Variants in DYRK1A observed in about 807,000 individuals in gnomAD.
DYRK1A encodes dual specificity tyrosine phosphorylation regulated kinase 1A.
A neutral mutation model predicts 79.7 loss-of-function variants in DYRK1A; 9 were observed. The observed-to-expected ratio is 0.11, with a 90% confidence interval of 0.07 to 0.20. The LOEUF (loss-of-function observed/expected upper bound fraction) is 0.20, where lower values mean the gene tolerates loss of function less well. Ranked by LOEUF, DYRK1A falls within the 10% of genes least tolerant of loss-of-function variation. The pLI is 1.00. For missense variants in DYRK1A, 622 were observed against 956.0 expected (o/e 0.65, Z 4.61); for synonymous variants, 349 against 329.7 (o/e 1.06, Z -0.63).
intron 2 of DYRK1A, among the ~76,000 whole-genome samples, chr21:37,436,893 A>T (rs1293107712): frequency 6.6e-6 from 1 of 152,236 alleles, no homozygotes; most frequent in East Asian, 1.9e-4. Context: ...ACTATATGAC[A>T]TGGTGGAGTA....
intron 9 of DYRK1A, 33 bp downstream of exon 9, chr21:37,496,291 A>G (rs1307767341): frequency 6.3e-7 from 1 of 1,581,332 alleles, no homozygotes; most frequent in East Asian, 2.2e-5. Context: ...TTGAGCCTTT[A>G]TTAAATTTCT....
chr21:37,454,068 T>C (rs2051549407), intron 2 of DYRK1A, among the ~76,000 whole-genome samples: 1 of 149,324 alleles, frequency 6.7e-6, no homozygotes, highest in African/African-American at 2.5e-5. Context: ...GTCTTTCATA[T>C]TATGAGATGT....
At chr21:37,484,268 A>G (rs2052767688) in intron 5 of DYRK1A, among the ~76,000 whole-genome samples, 1 of 151,750 alleles carries the variant, frequency 6.6e-6, no homozygotes. Flanking sequence ...CTAGACCTAG[A>G]GAGTGCTACC....
At chr21:37,450,692 G>C (rs1214881848) in intron 2 of DYRK1A, among the ~76,000 whole-genome samples, 1 of 152,186 alleles carries the variant, frequency 6.6e-6, no homozygotes, top group Non-Finnish European at 1.5e-5. Context: ...CCTGGGCAGA[G>C]AGTGTTGGAG....
intron 2 of DYRK1A, among the ~76,000 whole-genome samples, chr21:37,440,445 T>G (rs532738163): frequency 6.6e-6 from 1 of 152,244 alleles, no homozygotes; most frequent in African/African-American, 2.4e-5. Context: ...CTTCATTTGC[T>G]CTTTTTCTAG....
chr21:37,409,606 G>A (rs1177007181), intron 1 of DYRK1A, among the ~76,000 whole-genome samples: 1 of 152,122 alleles, frequency 6.6e-6, no homozygotes, highest in African/African-American at 2.4e-5. Context: ...TAAGATGGAA[G>A]CTGAATTTCT....
intron 5 of DYRK1A, among the ~76,000 whole-genome samples, chr21:37,484,653 C>T (rs1040907974): frequency 6.6e-6 from 1 of 152,112 alleles, no homozygotes; most frequent in African/African-American, 2.4e-5. Flanking sequence ...TTCTAACTTT[C>T]CTGACATCTA....
At chr21:37,369,778 G>T (rs1254483461) in intron 1 of DYRK1A, among the ~76,000 whole-genome samples, 1 of 152,204 alleles carries the variant, frequency 6.6e-6, no homozygotes, top group African/African-American at 2.4e-5. Flanking sequence ...TGGACTAAAT[G>T]ACCTAGTGAG....
intron 9 of DYRK1A, among the ~76,000 whole-genome samples, chr21:37,498,766 T>G (rs1295133579): frequency 1.3e-5 from 2 of 152,176 alleles, no homozygotes; most frequent in African/African-American, 4.8e-5. Flanking sequence ...CCAAAGTTGT[T>G]TTATTTTATA....
At chr21:37,493,714 C>A (rs1251796828) in intron 8 of DYRK1A, among the ~76,000 whole-genome samples, 1 of 152,128 alleles carries the variant, frequency 6.6e-6, no homozygotes, top group Non-Finnish European at 1.5e-5. Context: ...GCCTTAACTT[C>A]CCTGCAGTCA....
chr21:37,432,662 A>T (rs2050808231), intron 2 of DYRK1A, among the ~76,000 whole-genome samples: 1 of 152,186 alleles, frequency 6.6e-6, no homozygotes, highest in Admixed American at 6.5e-5. Flanking sequence ...ATTTGAGATG[A>T]TCTTGGCTAA....
rs536627695 is a variant in DYRK1A, at chr21:37,368,352, C to G, written c.-77+724C>G. Among the ~76,000 whole-genome samples the G allele has an allele frequency of 2.0e-5, 3 of 152,332 alleles. No homozygotes were observed. In the East Asian group the frequency reaches 5.8e-4, roughly 29 times the overall value. On this transcript the variant is annotated intron_variant, in intron 1 of 11. Transcript: ENST00000647188. ...TCACCAGTCTATTTATAGGCACAAA[C>G]CCACTCTCGCTTCGGAGCCACCAAA...
chr21:37,426,619 A>G (rs941070094), intron 2 of DYRK1A, among the ~76,000 whole-genome samples: 2 of 152,112 alleles, frequency 1.3e-5, no homozygotes, highest in Non-Finnish European at 2.9e-5. Flanking sequence ...ACTGTTTAAG[A>G]TGAATAACCA....
chr21:37,382,451 T>C (rs558506538), intron 1 of DYRK1A, among the ~76,000 whole-genome samples: 12 of 152,266 alleles, frequency 7.9e-5, no homozygotes, highest in South Asian at 2.1e-4. Flanking sequence ...GATTTACTTA[T>C]TTATTTATAA....
chr21:37,471,038 C>G (rs190594684), intron 2 of DYRK1A, among the ~76,000 whole-genome samples: 1 of 152,244 alleles, frequency 6.6e-6, no homozygotes, highest in East Asian at 1.9e-4. Flanking sequence ...AGTCTGAAAG[C>G]AATGCTAGGG....
At chr21:37,473,009 G>C in intron 3 of DYRK1A, 129 bp downstream of exon 3, 3 of 699,478 alleles carry the variant, frequency 4.3e-6, no homozygotes, top group Admixed American at 3.5e-5. Flanking sequence ...TATGGATTGG[G>C]AAAACATGTT....
Position 37,516,315 on chromosome 21 carries a change from G to C in DYRK1A, c.*3784G>C, listed in dbSNP as rs2053880140. ...CTTCGGTATACCCAGACTTCATTCAGATTTCTTAAAAATCTGCTAGGGATG... is the reference window on the plus strand; with the variant it reads ...CTTCGGTATACCCAGACTTCATTCACATTTCTTAAAAATCTGCTAGGGATG... On this transcript the variant is annotated 3_prime_UTR_variant, in exon 12 of 12. Transcript: ENST00000647188. 1 of 152,198 alleles carries C rather than the reference G, an allele frequency of 6.6e-6. No individual in the cohort carries two copies. The highest frequency in any genetic ancestry group is 6.5e-5 in the Admixed American group (1 of 15,280). The allele number at this position is 152,198 out of a possible 1,614,324, so 9.4% of individuals were successfully genotyped here. A position where few individuals can be genotyped will look rare whatever the true frequency, so the allele number is the denominator to read the frequency against.
intron 1 of DYRK1A, among the ~76,000 whole-genome samples, chr21:37,407,290 A>C (rs894934370): frequency 6.6e-6 from 1 of 152,184 alleles, no homozygotes; most frequent in Non-Finnish European, 1.5e-5. Context: ...TATTTTCAGT[A>C]ATTTTGTGCA....
At chr21:37,488,547 T>G (rs1257787370) in intron 6 of DYRK1A, 2 of 981,574 alleles carry the variant, frequency 2.0e-6, no homozygotes, top group Non-Finnish European at 2.4e-6. Flanking sequence ...TTAGTTGAAG[T>G]CTTCAACAAA....
Sources: gnomAD v4.1 joint callset for allele counts (sites outside exome capture counted in the v4.1 genomes callset) on GRCh38, gnomAD v4.1.1 for gene constraint, MANE v1.5 for transcripts, NCBI Gene and HGNC (gene_info 2026-07-23, HGNC 2026-07-21) for gene names.